Variants in AGBL1 observed in about 807,000 individuals in gnomAD.
The protein encoded by AGBL1 is AGBL carboxypeptidase 1.
AGBL1 carries 130 observed loss-of-function variants against 118.9 expected under a neutral mutation model. The ratio of observed to expected loss-of-function variants is 1.09; its 90% CI spans 0.95 to 1.26. The LOEUF is 1.26. AGBL1 is among the 50% of genes most tolerant of loss of function. The pLI is 0.00. For missense variants in AGBL1, 1,584 were observed against 1,298.1 expected (o/e 1.22, Z -3.38); for synonymous variants, 555 against 478.9 (o/e 1.16, Z -2.08).
At chr15:86,640,009 G>A (rs1392023898) in intron 21 of AGBL1, among the ~76,000 whole-genome samples, 1 of 152,074 alleles carries the variant, frequency 6.6e-6, no homozygotes, top group South Asian at 2.1e-4. Context: ...TTTTTCCAGT[G>A]GACTGGTGTG....
chr15:86,087,409 A>G (rs1476970498), intron 1 of AGBL1, among the ~76,000 whole-genome samples: 3 of 151,498 alleles, frequency 2.0e-5, no homozygotes, highest in Admixed American at 6.6e-5. Context: ...GCTCACTGCA[A>G]TCTCTGCCTC....
intron 22 of AGBL1, among the ~76,000 whole-genome samples, chr15:86,689,559 A>G (rs1257463501): frequency 2.0e-5 from 3 of 152,158 alleles, no homozygotes; most frequent in African/African-American, 4.8e-5. Context: ...AAATAACAGT[A>G]TAATTCCATG....
intron 1 of AGBL1, among the ~76,000 whole-genome samples, chr15:86,108,698 C>T (rs762164561): frequency 1.2e-4 from 19 of 152,290 alleles, no homozygotes; most frequent in Admixed American, 1.2e-3. Flanking sequence ...GTGGCTCATG[C>T]CTATAATCCC....
At chr15:86,515,412 A>T (rs943800710) in intron 18 of AGBL1, among the ~76,000 whole-genome samples, 1 of 152,074 alleles carries the variant, frequency 6.6e-6, no homozygotes, top group Non-Finnish European at 1.5e-5. Context: ...CACAGTATCT[A>T]TCAATTCTTA....
chr15:86,200,692 C>A (rs191593167), intron 5 of AGBL1, among the ~76,000 whole-genome samples: 7 of 151,686 alleles, frequency 4.6e-5, no homozygotes, highest in African/African-American at 1.5e-4. Context: ...TCTCGGCTCA[C>A]TGCAACCTCT....
intron 22 of AGBL1, among the ~76,000 whole-genome samples, chr15:86,824,352 A>T (rs1200694264): frequency 1.3e-5 from 2 of 152,172 alleles, no homozygotes; most frequent in African/African-American, 2.4e-5. Flanking sequence ...CTTCAAAGAA[A>T]ATACAGCACC....
At chr15:86,839,331 G>A (rs568806708) in intron 22 of AGBL1, among the ~76,000 whole-genome samples, 50 of 152,228 alleles carry the variant, frequency 3.3e-4, no homozygotes, top group Admixed American at 2.4e-3. Flanking sequence ...TTTAGTAATC[G>A]TCAGACAAGC....
At chr15:86,996,079 C>T (rs2081377759) in intron 24 of AGBL1, among the ~76,000 whole-genome samples, 1 of 152,170 alleles carries the variant, frequency 6.6e-6, no homozygotes, top group Non-Finnish European at 1.5e-5. Context: ...AACCCCATAA[C>T]CATCATGTGG....
At chr15:86,712,329 G>A (rs1270786032) in intron 22 of AGBL1, among the ~76,000 whole-genome samples, 4 of 150,364 alleles carry the variant, frequency 2.7e-5, no homozygotes, top group Non-Finnish European at 5.9e-5. Context: ...TTCTTTGCTT[G>A]TACTTAGTAG....
intron 21 of AGBL1, among the ~76,000 whole-genome samples, chr15:86,639,808 C>T (rs974050234): frequency 3.9e-5 from 6 of 152,142 alleles, no homozygotes; most frequent in African/African-American, 9.7e-5. Context: ...GGAGGAAAGC[C>T]GGGAAACCCA....
chr15:86,767,614 A>T lies in AGBL1; in HGVS notation c.3158+93178A>T, dbSNP rs577420732. Among the ~76,000 whole-genome samples the T allele has an allele frequency of 2.4e-4, 37 of 152,062 alleles. No homozygotes were observed. The Middle Eastern group carries it at 0.01, about 42-fold the overall frequency. Reference sequence around the variant, plus strand: ...GCTTCAGTTTTATATTTGTTATCTCATTTGACTTATTTCTTTCAACACTTT... The same window carrying T: ...GCTTCAGTTTTATATTTGTTATCTCTTTTGACTTATTTCTTTCAACACTTT... On this transcript the variant is annotated intron_variant, in intron 22 of 22. Transcript: ENST00000614907.
intron 18 of AGBL1, among the ~76,000 whole-genome samples, chr15:86,468,094 A>G (rs766404916): frequency 2.6e-5 from 4 of 152,138 alleles, no homozygotes; most frequent in Non-Finnish European, 5.9e-5. Flanking sequence ...ACATGCAAGT[A>G]TATAATGAGA....
chr15:86,184,182 T>C (rs1308152842), intron 5 of AGBL1, among the ~76,000 whole-genome samples: 1 of 152,238 alleles, frequency 6.6e-6, no homozygotes, highest in Non-Finnish European at 1.5e-5. Context: ...AACCCAAATA[T>C]TGACTTCTTA....
intron 18 of AGBL1, among the ~76,000 whole-genome samples, chr15:86,415,686 G>A (rs1205806551): frequency 6.6e-6 from 1 of 151,900 alleles, no homozygotes; most frequent in Non-Finnish European, 1.5e-5. Flanking sequence ...AATATTAATT[G>A]TCATTAACCT....
intron 5 of AGBL1, among the ~76,000 whole-genome samples, chr15:86,200,030 A>G (rs2077878288): frequency 6.6e-6 from 1 of 152,230 alleles, no homozygotes; most frequent in African/African-American, 2.4e-5. Context: ...ATTGATTTAC[A>G]ACATAAAGAT....
intron 22 of AGBL1, among the ~76,000 whole-genome samples, chr15:86,789,637 GTGC>G (rs2078463748): frequency 6.6e-6 from 1 of 152,256 alleles, no homozygotes; most frequent in East Asian, 1.9e-4. Flanking sequence ...GATTGCCACA[GTGC>G]CCATTTCAGT....
chr15:86,197,079 T>C (rs1054689026), intron 5 of AGBL1, among the ~76,000 whole-genome samples: 1 of 152,178 alleles, frequency 6.6e-6, no homozygotes, highest in Non-Finnish European at 1.5e-5. Flanking sequence ...TGACATTTTA[T>C]TATGGCAGCC....
At chr15:86,352,666 G>C (rs772758907) in intron 17 of AGBL1, among the ~76,000 whole-genome samples, 1 of 152,082 alleles carries the variant, frequency 6.6e-6, no homozygotes, top group Non-Finnish European at 1.5e-5. Flanking sequence ...ATTTTTAGTA[G>C]AGATGGGGTT....
chr15:86,206,465 C>G (rs1015220516), intron 5 of AGBL1, among the ~76,000 whole-genome samples: 1 of 152,106 alleles, frequency 6.6e-6, no homozygotes. Flanking sequence ...CCACATCCTC[C>G]CCAGCATCTG....
Sources: gnomAD v4.1 joint callset for allele counts (sites outside exome capture counted in the v4.1 genomes callset) on GRCh38, gnomAD v4.1.1 for gene constraint, MANE v1.5 for transcripts, NCBI Gene and HGNC (gene_info 2026-07-23, HGNC 2026-07-21) for gene names.